Variants in AP3B1 observed in about 807,000 individuals in gnomAD.
AP3B1 encodes the protein AP-3 complex subunit beta-1.
AP3B1 carries 61 observed loss-of-function variants against 132.5 expected under a neutral mutation model. The observed-to-expected ratio is 0.46, with a 90% confidence interval of 0.37 to 0.57. The LOEUF (loss-of-function observed/expected upper bound fraction) is 0.57, where lower values mean the gene tolerates loss of function less well. AP3B1 is among the 20% of genes least tolerant of loss of function. The pLI is 0.00. For missense variants in AP3B1, 1,120 were observed against 1,289.4 expected, an observed-to-expected ratio of 0.87 and a Z score of 2.01; for synonymous variants, 388 against 438.3, an observed-to-expected ratio of 0.89 and a Z score of 1.43.
intron 3 of AP3B1, among the ~76,000 whole-genome samples, chr5:78,238,164 A>G (rs1746962143): frequency 1.3e-5 from 2 of 152,192 alleles, no homozygotes; most frequent in Admixed American, 6.5e-5. Flanking sequence ...CAACAGCAGC[A>G]TTAGATTCTC....
chr5:78,053,542 T>C (rs1330168732), intron 22 of AP3B1, among the ~76,000 whole-genome samples: 1 of 151,860 alleles, frequency 6.6e-6, no homozygotes, highest in Non-Finnish European at 1.5e-5. Context: ...TAGCTGGGCA[T>C]GGTGGCGCAT....
At chr5:78,038,934 A>C (rs1052438449) in intron 23 of AP3B1, 109 bp downstream of exon 23, 1 of 696,410 alleles carries the variant, frequency 1.4e-6, no homozygotes. Flanking sequence ...TGTCAATACA[A>C]TCATATTCTA....
chr5:78,087,748 T>A, intron 22 of AP3B1: 1 of 948,536 alleles, frequency 1.1e-6, no homozygotes, highest in Non-Finnish European at 1.3e-6. Flanking sequence ...GAATGAAAAT[T>A]TACTACAAGC....
At chr5:78,079,035 T>C (rs1388232839) in intron 22 of AP3B1, among the ~76,000 whole-genome samples, 1 of 152,212 alleles carries the variant, frequency 6.6e-6, no homozygotes, top group African/African-American at 2.4e-5. Flanking sequence ...CATTGCAAAA[T>C]GCAAGCCTTA....
intron 15 of AP3B1, among the ~76,000 whole-genome samples, chr5:78,131,816 C>T (rs1752701076): frequency 6.6e-6 from 1 of 152,082 alleles, no homozygotes; most frequent in East Asian, 1.9e-4. Flanking sequence ...GTTTGCAAGA[C>T]TTGTTTCTAA....
chr5:78,117,102 G>A (rs1480496798), intron 17 of AP3B1, among the ~76,000 whole-genome samples: 11 of 149,792 alleles, frequency 7.3e-5, no homozygotes, highest in Admixed American at 4.7e-4. Flanking sequence ...TCCTCCAAAC[G>A]TCCCAGGCAT....
intron 7 of AP3B1, among the ~76,000 whole-genome samples, chr5:78,210,198 T>C (rs890925000): frequency 2.6e-5 from 4 of 152,124 alleles, no homozygotes; most frequent in Non-Finnish European, 5.9e-5. Context: ...GTAAGACACA[T>C]GACAAAATTT....
intron 7 of AP3B1, among the ~76,000 whole-genome samples, chr5:78,184,636 C>T (rs1744524157): frequency 6.7e-6 from 1 of 149,224 alleles, no homozygotes; most frequent in Non-Finnish European, 1.5e-5. Flanking sequence ...TGCAGTAAGC[C>T]GAGATTGGCC....
chr5:78,080,539 TTAG>T (rs1390377250), intron 22 of AP3B1, among the ~76,000 whole-genome samples: 1 of 151,466 alleles, frequency 6.6e-6, no homozygotes, highest in Admixed American at 6.6e-5. Context: ...GCCACATCGA[TTAG>T]TGAGTCATGG....
intron 22 of AP3B1, among the ~76,000 whole-genome samples, chr5:78,068,607 T>G (rs1034585719): frequency 6.6e-6 from 1 of 152,056 alleles, no homozygotes; most frequent in Admixed American, 6.5e-5. Flanking sequence ...GAGGCAGTAA[T>G]AAATAGCCTA....
intron 23 of AP3B1, among the ~76,000 whole-genome samples, chr5:78,036,251 C>A (rs1007219286): frequency 6.6e-6 from 1 of 152,052 alleles, no homozygotes; most frequent in Non-Finnish European, 1.5e-5. Context: ...GCTTCAGGAG[C>A]AAAATGATCA....
At chr5:78,126,504 CAAAA>C (rs70997969) in intron 17 of AP3B1, among the ~76,000 whole-genome samples, 2,444 of 61,644 alleles carry the variant, frequency 0.04, 14 homozygotes, top group East Asian at 0.19. Context: ...GACTCTGTCT[CAAAA>C]AAAAAAAAAA....
In AP3B1 at chr5:78,273,420, C is replaced by T. The variant is rs114152438; in HGVS notation, c.129-5825G>A. 4.2e-3 allele frequency among the ~76,000 whole-genome samples: 633 copies of T among 152,190 alleles called. 4 individuals are homozygous for T. Among genetic ancestry groups the T allele is most frequent in the African/African-American group, 0.015 (607 of 41,520 alleles). On this transcript the variant is annotated intron_variant, in intron 1 of 26. Transcript: ENST00000255194. ...TATCTCTCTCAAGGGAAAAAAAGAG[C>T]TCCTCATTCACACCAGCTTTTTCCC...
rs140629178 is a variant in AP3B1 at position 78,193,032 on chromosome 5, G to A, written c.787-11370C>T. On this transcript the variant is annotated intron_variant, in intron 7 of 26. Coordinates refer to ENST00000255194, the MANE Select transcript of AP3B1 (RefSeq NM_003664.5). ...GTTCAAGGAATTAAGTGGTAGGATC[G>A]AGCTTTACGGCAGATAATGCAACAT... Among the ~76,000 whole-genome samples the A allele has an allele frequency of 1.8e-3, 280 of 152,318 alleles. 1 individual carries two copies. Among genetic ancestry groups the A allele is most frequent in the African/African-American group, 6.4e-3 (265 of 41,580 alleles).
intron 17 of AP3B1, among the ~76,000 whole-genome samples, chr5:78,119,811 C>T (rs111317540): frequency 6.6e-5 from 10 of 152,068 alleles, no homozygotes; most frequent in African/African-American, 2.4e-4. Flanking sequence ...CAAGAAAGGC[C>T]AACATTCGGA....
intron 7 of AP3B1, among the ~76,000 whole-genome samples, chr5:78,184,457 C>A (rs942063027): frequency 1.3e-5 from 2 of 151,650 alleles, no homozygotes; most frequent in South Asian, 4.2e-4. Flanking sequence ...GGAGGCGAGG[C>A]GGGTGGATCA....
chr5:78,231,658 G>A (rs536294263), intron 3 of AP3B1, among the ~76,000 whole-genome samples: 4 of 152,220 alleles, frequency 2.6e-5, no homozygotes, highest in South Asian at 2.1e-4. Context: ...ACTACCCATC[G>A]TAATCACCAC....
intron 11 of AP3B1, among the ~76,000 whole-genome samples, chr5:78,169,767 A>C (rs1027523439): frequency 6.8e-6 from 1 of 146,908 alleles, no homozygotes; most frequent in African/African-American, 2.6e-5. Flanking sequence ...ATTTATTTAT[A>C]TTATTATACA....
At chr5:78,122,729 C>T (rs1182648699) in intron 17 of AP3B1, among the ~76,000 whole-genome samples, 1 of 152,196 alleles carries the variant, frequency 6.6e-6, no homozygotes, top group African/African-American at 2.4e-5. Flanking sequence ...ATTCCATGCT[C>T]ATGGGTAGGA....
Sources: allele counts gnomAD v4.1 joint callset (sites outside exome capture counted in the v4.1 genomes callset), GRCh38; gene constraint gnomAD v4.1.1; transcripts MANE v1.5; gene names NCBI Gene and HGNC (gene_info 2026-07-23, HGNC 2026-07-21).